Variants in DYNC2I2 observed in about 807,000 individuals in gnomAD.
DYNC2I2 encodes dynein 2 intermediate chain 2, also known as cytoplasmic dynein 2 intermediate chain 2.
In DYNC2I2, 39 loss-of-function variants were observed where a neutral mutation model predicts 52.0. The ratio of observed to expected loss-of-function variants is 0.75; its 90% CI spans 0.58 to 0.98. The LOEUF is 0.98. DYNC2I2 is among the 50% of genes least tolerant of loss of function. The probability of loss-of-function intolerance (pLI) is 0.00; values close to 1 mark genes in which losing one functional copy is unlikely to be tolerated. For missense variants in DYNC2I2, 743 were observed against 728.4 expected (o/e 1.02, Z -0.23); for synonymous variants, 359 against 321.1 (o/e 1.12, Z -1.26).
the DYNC2I2 span, among the ~76,000 whole-genome samples, chr9:128,683,170 C>T: frequency 6.6e-6 from 1 of 151,876 alleles, no homozygotes; most frequent in Admixed American, 6.6e-5. Context: ...AAAATAAACC[C>T]TCTTCTCTTA....
chr9:128,659,852 G>A (rs1860897673), upstream of DYNC2I2, among the ~76,000 whole-genome samples: 1 of 151,674 alleles, frequency 6.6e-6, no homozygotes, highest in African/African-American at 2.4e-5. Flanking sequence ...AAGTGGCAGT[G>A]AGGCAAGATG....
chr9:128,659,457 T>C (rs1167007900), upstream of DYNC2I2, among the ~76,000 whole-genome samples: 2 of 145,080 alleles, frequency 1.4e-5, no homozygotes, highest in Non-Finnish European at 3.0e-5. Flanking sequence ...ATCGCACCAC[T>C]GCACTCCAGC....
At chr9:128,684,058 T>C in the DYNC2I2 span, 1 of 1,413,290 alleles carries the variant, frequency 7.1e-7, no homozygotes, top group Non-Finnish European at 9.8e-7. Flanking sequence ...TTGCAAGGAT[T>C]GACTCTCTGA....
At chr9:128,658,901 T>C (rs1860885953), upstream of DYNC2I2, among the ~76,000 whole-genome samples, 1 of 151,550 alleles carries the variant, frequency 6.6e-6, no homozygotes, top group Non-Finnish European at 1.5e-5. Context: ...ATTTTTGTGT[T>C]TTTGTAGAGA....
rs535050340 is a variant in DYNC2I2, at chr9:128,635,859, G to C, written c.704-92C>G. The C allele has an allele frequency of 1.4e-5, 17 of 1,208,572 alleles. No individual in the cohort carries two copies. The South Asian group carries it at 2.2e-4, about 15-fold the overall frequency. 74.9% of individuals were successfully genotyped at this position (1,208,572 alleles called of 1,614,324 possible). A position where few individuals can be genotyped will look rare whatever the true frequency, so the allele number is the denominator to read the frequency against. ...CCGCCCCAGCCCACCTACAGGGCCA[G>C]GGCCAGGGCCAGGCGGCAGAGCCAC... On this transcript the variant is annotated intron_variant, in intron 4 of 8. Transcript: ENST00000372715.
chr9:128,669,223 G>A, the DYNC2I2 span, among the ~76,000 whole-genome samples: 1 of 152,008 alleles, frequency 6.6e-6, no homozygotes, highest in Non-Finnish European at 1.5e-5. Flanking sequence ...AAATTAGCCA[G>A]GCGTGGTGGC....
the DYNC2I2 span, among the ~76,000 whole-genome samples, chr9:128,673,615 C>T: frequency 2.6e-5 from 4 of 151,756 alleles, no homozygotes; most frequent in African/African-American, 7.2e-5. Context: ...ACGCCATTCT[C>T]CTGCCTCAGC....
the DYNC2I2 span, among the ~76,000 whole-genome samples, chr9:128,667,482 C>G: frequency 6.9e-6 from 1 of 145,602 alleles, no homozygotes; most frequent in South Asian, 2.2e-4. Flanking sequence ...CCCGCCACCA[C>G]GCCCGGCTAA....
the DYNC2I2 span, among the ~76,000 whole-genome samples, chr9:128,682,672 CTTTT>C: frequency 1.2e-4 from 14 of 120,630 alleles, no homozygotes; most frequent in Admixed American, 9.2e-4. Context: ...GGGACCTTGT[CTTTT>C]TTTTTTTTTT....
chr9:128,647,331 G>A (rs112125950), intron 1 of DYNC2I2, among the ~76,000 whole-genome samples: 13 of 152,138 alleles, frequency 8.5e-5, no homozygotes, highest in African/African-American at 2.7e-4. Context: ...GCCCCCGGGG[G>A]AAGTCAGAGA....
At chr9:128,634,073 G>T in intron 8 of DYNC2I2, 91 bp from the exon 9 acceptor site, 2 of 1,559,286 alleles carry the variant, frequency 1.3e-6, no homozygotes, top group Non-Finnish European at 1.8e-6. Flanking sequence ...CAATCCTGTT[G>T]TGTGCAGCCA....
the DYNC2I2 span, among the ~76,000 whole-genome samples, chr9:128,677,301 T>C: frequency 6.6e-6 from 1 of 151,276 alleles, no homozygotes; most frequent in East Asian, 1.9e-4. Flanking sequence ...CTATCCAACA[T>C]AGTGAAACTC....
intron 7 of DYNC2I2, 114 bp from the exon 8 acceptor site, chr9:128,634,497 C>G: frequency 1.4e-6 from 2 of 1,413,342 alleles, no homozygotes; most frequent in Non-Finnish European, 1.9e-6. Context: ...CCTCCCGGGT[C>G]CCTCAGCCTG....
In DYNC2I2 at chr9:128,637,016, C is replaced by T. The variant is rs1333447902; in HGVS notation, c.447G>A (p.Leu149=). The change falls in exon 3 of 9, where the codon CTG becomes CTA. Residue 149 remains leucine (L), a synonymous_variant. Transcript: ENST00000372715. ...WTEQQQMVSC[L]YTLGYPPAQA... ...GGGCTGGCGGGTAGCCCAGGGTATA[C>T]AGACAAGACACCTGCGGAGACGTCC... is the stretch of plus-strand genomic sequence containing the variant. The T allele has an allele frequency of 1.2e-6, 2 of 1,613,120 alleles. No homozygotes were observed. Among genetic ancestry groups the T allele is most frequent in the South Asian group, 1.1e-5 (1 of 91,048 alleles).
chr9:128,680,676 CTAT>C, the DYNC2I2 span, among the ~76,000 whole-genome samples: 4 of 146,680 alleles, frequency 2.7e-5, no homozygotes, highest in African/African-American at 7.6e-5. Flanking sequence ...CGTGCCCAGC[CTAT>C]TATTATTATT....
chr9:128,643,709 CTGGGAATCG>C (rs1860561137), intron 1 of DYNC2I2, among the ~76,000 whole-genome samples: 1 of 152,074 alleles, frequency 6.6e-6, no homozygotes. Context: ...GTGTTGGACT[CTGGGAATCG>C]TGGAAAGAAG....
chr9:128,653,015 G>C (rs1365232627), intron 1 of DYNC2I2, among the ~76,000 whole-genome samples: 1 of 150,172 alleles, frequency 6.7e-6, no homozygotes, highest in Non-Finnish European at 1.5e-5. Context: ...GATCACCTAA[G>C]GTCAGGAGTT....
At chr9:128,680,711 G>A in the DYNC2I2 span, among the ~76,000 whole-genome samples, 124,351 of 150,328 alleles carry the variant, frequency 0.83, 53,352 homozygotes, top group Middle Eastern at 0.95. Context: ...GTCTCACTCC[G>A]TCGCCCAGTC....
upstream of DYNC2I2, among the ~76,000 whole-genome samples, chr9:128,658,111 T>C (rs1860869758): frequency 6.7e-6 from 1 of 149,190 alleles, no homozygotes; most frequent in African/African-American, 2.5e-5. Flanking sequence ...ATAATAATAA[T>C]AACAACAAAA....
Sources: gnomAD v4.1 joint callset for allele counts (sites outside exome capture counted in the v4.1 genomes callset) on GRCh38, gnomAD v4.1.1 for gene constraint, MANE v1.5 for transcripts, NCBI Gene and HGNC (gene_info 2026-07-23, HGNC 2026-07-21) for gene names.